The following B3GALT1 variants were observed in gnomAD, a reference collection of about 807,000 sequenced individuals.
The protein encoded by B3GALT1 is beta-1,3-galactosyltransferase 1, also known as UDP-Gal:betaGlcNAc beta 1,3-galactosyltransferase, polypeptide 1.
A neutral mutation model predicts 23.2 loss-of-function variants in B3GALT1; 10 were observed. That is an observed-to-expected ratio of 0.43 (90% CI 0.27 to 0.73). The LOEUF (loss-of-function observed/expected upper bound fraction) is 0.73. Ranked by LOEUF, B3GALT1 falls within the 30% of genes least tolerant of loss-of-function variation. The pLI is 0.21. For missense variants in B3GALT1, 299 were observed against 405.4 expected (o/e 0.74, Z 2.25); for synonymous variants, 156 against 141.5 (o/e 1.10, Z -0.73).
At chr2:167,637,125 A>T (rs1191326373) in intron 2 of B3GALT1, among the ~76,000 whole-genome samples, 1 of 151,992 alleles carries the variant, frequency 6.6e-6, no homozygotes, top group Admixed American at 6.6e-5. Flanking sequence ...AGGAATATGT[A>T]TGGGGAGCAA....
intron 3 of B3GALT1, among the ~76,000 whole-genome samples, chr2:167,772,566 A>G (rs573401987): frequency 6.6e-6 from 1 of 152,342 alleles, no homozygotes; most frequent in African/African-American, 2.4e-5. Flanking sequence ...AGCTTGTAGA[A>G]ATGCTCTAAA....
chr2:167,445,390 G>A (rs1436086889), intron 1 of B3GALT1, among the ~76,000 whole-genome samples: 1 of 152,194 alleles, frequency 6.6e-6, no homozygotes, highest in Non-Finnish European at 1.5e-5. Context: ...TCCACTTGGT[G>A]CAGAGCTGAG....
intron 2 of B3GALT1, among the ~76,000 whole-genome samples, chr2:167,635,718 T>A (rs1259255373): frequency 1.3e-5 from 2 of 151,736 alleles, no homozygotes; most frequent in Non-Finnish European, 2.9e-5. Context: ...ATGGAAAAAA[T>A]TTCATGCTCA....
At chr2:167,428,204 T>C (rs1698652453) in intron 1 of B3GALT1, among the ~76,000 whole-genome samples, 1 of 152,166 alleles carries the variant, frequency 6.6e-6, no homozygotes, top group African/African-American at 2.4e-5. Context: ...GAAATAAAAT[T>C]AGCACTTTTA....
At position 167,399,295 on chromosome 2, in the gene B3GALT1, CTG is replaced by C. The variant is rs138305019; in HGVS notation, c.-510-90878_-510-90877del. On this transcript the variant is annotated intron_variant, in intron 1 of 4. Transcript: ENST00000392690. ...TCAAGTTTCCCTTAGAATGCATGCA[CTG>C]TGTTATGTTTCTTAGAGCTCAGAAT... Among the ~76,000 whole-genome samples the C allele has an allele frequency of 1.1e-3, 174 of 152,178 alleles. 1 individual carries two copies. In the East Asian group the frequency reaches 0.018, roughly 16 times the overall value.
intron 1 of B3GALT1, among the ~76,000 whole-genome samples, chr2:167,459,494 A>G (rs1699224071): frequency 6.6e-6 from 1 of 152,160 alleles, no homozygotes; most frequent in African/African-American, 2.4e-5. Flanking sequence ...GGTTCTTTTA[A>G]ATACATTAGT....
At chr2:167,618,866 C>A (rs1460908911) in intron 2 of B3GALT1, among the ~76,000 whole-genome samples, 1 of 151,808 alleles carries the variant, frequency 6.6e-6, no homozygotes, top group Non-Finnish European at 1.5e-5. Context: ...CAAATTATAT[C>A]TTTTTCCTTT....
intron 2 of B3GALT1, among the ~76,000 whole-genome samples, chr2:167,511,150 C>G (rs1699997601): frequency 2.0e-5 from 3 of 151,912 alleles, no homozygotes. Context: ...TTGAAAACAG[C>G]CAAATGAGAG....
At chr2:167,371,159 CA>C (rs976382417) in intron 1 of B3GALT1, among the ~76,000 whole-genome samples, 12 of 150,212 alleles carry the variant, frequency 8.0e-5, no homozygotes, top group Non-Finnish European at 1.8e-4. Context: ...AGCTTCTTTA[CA>C]AAAAATGTTT....
At chr2:167,616,294 A>G (rs1299171785) in intron 2 of B3GALT1, among the ~76,000 whole-genome samples, 1 of 152,120 alleles carries the variant, frequency 6.6e-6, no homozygotes, top group Non-Finnish European at 1.5e-5. Context: ...TGCAAACTGT[A>G]TAAAAATAAT....
chr2:167,577,477 C>T (rs1684406916), intron 2 of B3GALT1, among the ~76,000 whole-genome samples: 1 of 151,666 alleles, frequency 6.6e-6, no homozygotes, highest in African/African-American at 2.4e-5. Context: ...TTATGATGAG[C>T]ATTTGGATAG....
chr2:167,362,702 T>C (rs77067172), intron 1 of B3GALT1, among the ~76,000 whole-genome samples: 4 of 152,082 alleles, frequency 2.6e-5, no homozygotes, highest in Admixed American at 6.5e-5. Flanking sequence ...TTTTTCCTCT[T>C]GTCTCCTTTT....
intron 3 of B3GALT1, among the ~76,000 whole-genome samples, chr2:167,763,729 A>G (rs1024889144): frequency 1.3e-5 from 2 of 149,382 alleles, no homozygotes; most frequent in African/African-American, 4.9e-5. Context: ...GAAACTATTC[A>G]GGTATGAAAA....
intron 2 of B3GALT1, among the ~76,000 whole-genome samples, chr2:167,550,299 A>C (rs1683723050): frequency 6.6e-6 from 1 of 152,226 alleles, no homozygotes; most frequent in African/African-American, 2.4e-5. Flanking sequence ...TTGTGAGGGA[A>C]GTGGTGGAGT....
intron 4 of B3GALT1, among the ~76,000 whole-genome samples, chr2:167,858,529 C>T (rs557448181): frequency 4.6e-5 from 7 of 152,110 alleles, no homozygotes; most frequent in African/African-American, 9.6e-5. Flanking sequence ...TTTTCAAATA[C>T]GTTATCTCAT....
intron 2 of B3GALT1, among the ~76,000 whole-genome samples, chr2:167,501,877 A>C (rs2105348648): frequency 6.6e-6 from 1 of 152,282 alleles, no homozygotes; most frequent in East Asian, 1.9e-4. Flanking sequence ...TACATGAATG[A>C]ATTGCATATG....
intron 1 of B3GALT1, among the ~76,000 whole-genome samples, chr2:167,459,535 A>G (rs566346787): frequency 6.7e-4 from 102 of 152,298 alleles, no homozygotes; most frequent in African/African-American, 2.4e-3. Context: ...CAAAATGTGG[A>G]GTTACAAACC....
At chr2:167,525,155 T>A (rs906057661) in intron 2 of B3GALT1, among the ~76,000 whole-genome samples, 1 of 152,210 alleles carries the variant, frequency 6.6e-6, no homozygotes, top group African/African-American at 2.4e-5. Context: ...CGATTATACA[T>A]TCACTTCAAC....
At chr2:167,463,367 C>T (rs1357623022) in intron 1 of B3GALT1, among the ~76,000 whole-genome samples, 1 of 152,024 alleles carries the variant, frequency 6.6e-6, no homozygotes, top group Non-Finnish European at 1.5e-5. Context: ...CGGTCATCTC[C>T]TCCCTCATAA....
Sources: gnomAD v4.1 joint callset for allele counts (sites outside exome capture counted in the v4.1 genomes callset) on GRCh38, gnomAD v4.1.1 for gene constraint, MANE v1.5 for transcripts, NCBI Gene and HGNC (gene_info 2026-07-23, HGNC 2026-07-21) for gene names.